Variants in CCDC172 observed in about 807,000 individuals in gnomAD.
CCDC172 encodes coiled-coil domain containing 172.
In CCDC172, 30 loss-of-function variants were observed where a neutral mutation model predicts 38.0. The ratio of observed to expected loss-of-function variants is 0.79; its 90% confidence interval spans 0.59 to 1.07. The LOEUF (loss-of-function observed/expected upper bound fraction) is 1.07. Ranked by LOEUF, CCDC172 falls within the 50% of genes least tolerant of loss-of-function variation. The probability of loss-of-function intolerance (pLI) is 0.00; values close to 1 mark genes in which losing one functional copy is unlikely to be tolerated. For missense variants in CCDC172, 297 were observed against 290.1 expected, an observed-to-expected ratio of 1.02 and a Z score of -0.17; for synonymous variants, 78 against 88.3, an observed-to-expected ratio of 0.88 and a Z score of 0.66.
chr10:116,363,075 A>G (rs1010628929), intron 7 of CCDC172, among the ~76,000 whole-genome samples: 4 of 152,224 alleles, frequency 2.6e-5, no homozygotes, highest in African/African-American at 7.2e-5. Context: ...TATTACAGTG[A>G]TTATTTTCTA....
intron 7 of CCDC172, among the ~76,000 whole-genome samples, chr10:116,374,459 T>G (rs1339927196): frequency 6.6e-6 from 1 of 151,674 alleles, no homozygotes; most frequent in Non-Finnish European, 1.5e-5. Context: ...TATCTTTCTG[T>G]GCCTAATTTA....
chr10:116,343,999 C>T (rs189129130), intron 5 of CCDC172, among the ~76,000 whole-genome samples: 1 of 152,116 alleles, frequency 6.6e-6, no homozygotes. Flanking sequence ...GGGAGGGCAT[C>T]TTGTAGTAAG....
At chr10:116,350,454 A>G (rs1162925135) in intron 5 of CCDC172, among the ~76,000 whole-genome samples, 1 of 152,178 alleles carries the variant, frequency 6.6e-6, no homozygotes, top group African/African-American at 2.4e-5. Context: ...GGTTGACTTT[A>G]AGGTTTTTGG....
chr10:116,359,521 T>C (rs544222587), intron 7 of CCDC172, among the ~76,000 whole-genome samples: 146 of 152,268 alleles, frequency 9.6e-4, no homozygotes, highest in African/African-American at 3.5e-3. Flanking sequence ...TTCAATGCAT[T>C]GTGAGATGTT....
chr10:116,371,343 A>G (rs1267789788), intron 7 of CCDC172, among the ~76,000 whole-genome samples: 2 of 151,976 alleles, frequency 1.3e-5, no homozygotes, highest in South Asian at 2.1e-4. Flanking sequence ...GGTCAATTAT[A>G]TTAATGAATT....
At chr10:116,356,561 G>A (rs1844999951) in intron 5 of CCDC172, among the ~76,000 whole-genome samples, 1 of 152,114 alleles carries the variant, frequency 6.6e-6, no homozygotes, top group Non-Finnish European at 1.5e-5. Context: ...TCAGAGACAT[G>A]TGGAACAACA....
chr10:116,346,200 A>G (rs1229097062), intron 5 of CCDC172, among the ~76,000 whole-genome samples: 4 of 151,206 alleles, frequency 2.6e-5, no homozygotes, highest in Non-Finnish European at 5.9e-5. Flanking sequence ...GCTGAGGCAG[A>G]AGAATGGCTT....
At chr10:116,352,925 G>A (rs1844948710) in intron 5 of CCDC172, among the ~76,000 whole-genome samples, 1 of 152,136 alleles carries the variant, frequency 6.6e-6, no homozygotes, top group Admixed American at 6.5e-5. Context: ...CGGGCACAGT[G>A]GCTCATGCCT....
chr10:116,369,373 A>T (rs759142548), intron 7 of CCDC172, among the ~76,000 whole-genome samples: 1 of 151,962 alleles, frequency 6.6e-6, no homozygotes, highest in Non-Finnish European at 1.5e-5. Context: ...TGTTTTTGCT[A>T]GTTTTTGATT....
chr10:116,324,901 T>C, intron 1 of CCDC172, 46 bp from the exon 2 acceptor site: 1 of 876,362 alleles, frequency 1.1e-6, no homozygotes, highest in Non-Finnish European at 1.8e-6. Flanking sequence ...CAGGTCTATC[T>C]GGGAATGGTT....
At chr10:116,338,621 G>A (rs1010544583) in intron 3 of CCDC172, among the ~76,000 whole-genome samples, 1 of 152,036 alleles carries the variant, frequency 6.6e-6, no homozygotes, top group African/African-American at 2.4e-5. Context: ...TTCTGGTTAA[G>A]TGCCAATATG....
chr10:116,336,261 ATATT>A (rs1380827435), intron 3 of CCDC172, among the ~76,000 whole-genome samples: 7 of 148,398 alleles, frequency 4.7e-5, no homozygotes, highest in African/African-American at 1.5e-4. Flanking sequence ...TATGTAGTAT[ATATT>A]ATATGTGATA....
chr10:116,355,282 T>C (rs1254892046), intron 5 of CCDC172, among the ~76,000 whole-genome samples: 2 of 152,214 alleles, frequency 1.3e-5, no homozygotes, highest in Non-Finnish European at 2.9e-5. Context: ...TAGGTTTAGA[T>C]ATATTTAGAT....
chr10:116,348,830 G>A (rs55761417), intron 5 of CCDC172, among the ~76,000 whole-genome samples: 79 of 152,118 alleles, frequency 5.2e-4, no homozygotes, highest in East Asian at 2.9e-3. Context: ...CCTCAGGACC[G>A]TTGACTGTGT....
At chr10:116,364,918 T>A (rs537494449) in intron 7 of CCDC172, among the ~76,000 whole-genome samples, 1 of 152,224 alleles carries the variant, frequency 6.6e-6, no homozygotes, top group Non-Finnish European at 1.5e-5. Flanking sequence ...CTGAAAAAAA[T>A]TTGTAATGAT....
intron 3 of CCDC172, among the ~76,000 whole-genome samples, chr10:116,333,717 A>G (rs772890679): frequency 3.3e-5 from 5 of 152,166 alleles, no homozygotes; most frequent in Non-Finnish European, 7.3e-5. Context: ...TCTTTCCCTA[A>G]TCAGATTACT....
chr10:116,365,220 T>C (rs770518189), intron 7 of CCDC172, among the ~76,000 whole-genome samples: 1 of 152,216 alleles, frequency 6.6e-6, no homozygotes, highest in Non-Finnish European at 1.5e-5. Flanking sequence ...TTTCTTTAAG[T>C]GCAGATCTAA....
At chr10:116,335,894 C>T (rs1254910240) in intron 3 of CCDC172, among the ~76,000 whole-genome samples, 1 of 151,934 alleles carries the variant, frequency 6.6e-6, no homozygotes, top group Non-Finnish European at 1.5e-5. Flanking sequence ...GGGCCAGGTG[C>T]GGTGGCTCAC....
At chr10:116,339,637 C>T (rs1039468340) in intron 3 of CCDC172, among the ~76,000 whole-genome samples, 2 of 151,802 alleles carry the variant, frequency 1.3e-5, no homozygotes, top group Non-Finnish European at 2.9e-5. Flanking sequence ...GTACCAAGTA[C>T]TGAAGATATG....
Sources: gnomAD v4.1 joint callset for allele counts (sites outside exome capture counted in the v4.1 genomes callset) on GRCh38, gnomAD v4.1.1 for gene constraint, MANE v1.5 for transcripts, NCBI Gene and HGNC (gene_info 2026-07-23, HGNC 2026-07-21) for gene names.